The following DOCK7 variants were observed in gnomAD, a reference collection of about 807,000 sequenced individuals.
DOCK7 encodes the protein dedicator of cytokinesis protein 7.
A neutral mutation model predicts 271.0 loss-of-function variants in DOCK7; 138 were observed. That is an observed-to-expected ratio of 0.51 (90% CI 0.44 to 0.59). DOCK7 has a LOEUF of 0.59. Among genes scored for constraint, DOCK7 ranks in the 20% least tolerant of loss-of-function variants. The pLI is 0.00. For synonymous variants in DOCK7, 823 were observed against 876.1 expected (o/e 0.94, Z 1.07); for missense variants, 2,066 against 2,592.4 (o/e 0.80, Z 4.41).
At chr1:62,470,670 T>G (rs1324411728) in intron 48 of DOCK7, among the ~76,000 whole-genome samples, 2 of 152,114 alleles carry the variant, frequency 1.3e-5, no homozygotes, top group Admixed American at 1.3e-4. Flanking sequence ...GGTGGGCACC[T>G]GTAATCCCAG....
At chr1:62,589,871 G>T (rs1258359020) in intron 14 of DOCK7, among the ~76,000 whole-genome samples, 1 of 128,436 alleles carries the variant, frequency 7.8e-6, no homozygotes, top group East Asian at 2.3e-4. Context: ...GACAGAGCAA[G>T]ACTCCATCTA....
intron 8 of DOCK7, chr1:62,635,293 A>G (rs1655120348): frequency 6.5e-6 from 1 of 154,402 alleles, no homozygotes. Flanking sequence ...CCATATTCCA[A>G]ATTCTTTTAA....
chr1:62,670,209 G>A (rs910092171), intron 1 of DOCK7, among the ~76,000 whole-genome samples: 48 of 152,328 alleles, frequency 3.2e-4, no homozygotes, highest in African/African-American at 1.0e-3. Context: ...GAGCCTCCCC[G>A]ACGAGCGCCA....
chr1:62,648,672 T>G (rs1273999444), intron 4 of DOCK7, 128 bp from the exon 5 acceptor site: 1 of 496,250 alleles, frequency 2.0e-6, no homozygotes, highest in Non-Finnish European at 3.2e-6. Context: ...GAATCTATTC[T>G]AGCAATTTAG....
chr1:62,641,316 G>A (rs1297132641), intron 7 of DOCK7: 2 of 412,096 alleles, frequency 4.9e-6, no homozygotes, highest in Admixed American at 5.8e-5. Context: ...AGGAGCCCCA[G>A]GTAGGCAAAC....
intron 29 of DOCK7, among the ~76,000 whole-genome samples, chr1:62,533,217 C>T (rs1645233263): frequency 6.6e-6 from 1 of 151,992 alleles, no homozygotes; most frequent in Admixed American, 6.6e-5. Context: ...AAAATCCTAT[C>T]TTTCTTCCAA....
chr1:62,672,149 T>C (rs1291728974), intron 1 of DOCK7, among the ~76,000 whole-genome samples: 3 of 152,164 alleles, frequency 2.0e-5, no homozygotes, highest in Non-Finnish European at 4.4e-5. Flanking sequence ...AGTTAATATT[T>C]TCTTGGTATC....
chr1:62,510,202 T>C (rs1644443072), intron 34 of DOCK7, among the ~76,000 whole-genome samples: 1 of 152,198 alleles, frequency 6.6e-6, no homozygotes, highest in South Asian at 2.1e-4. Flanking sequence ...TATTGTTTTG[T>C]CTTTCTTGAA....
chr1:62,639,560 G>A (rs986000010), intron 7 of DOCK7, among the ~76,000 whole-genome samples: 6 of 145,198 alleles, frequency 4.1e-5, no homozygotes, highest in East Asian at 2.1e-4. Flanking sequence ...TCAGCCTCCC[G>A]AGTAGCTGGG....
chr1:62,623,450 T>G (rs186456442), intron 12 of DOCK7, among the ~76,000 whole-genome samples: 1 of 152,334 alleles, frequency 6.6e-6, no homozygotes, highest in Non-Finnish European at 1.5e-5. Context: ...GTAACAGTAT[T>G]CAAAACAGTG....
At chr1:62,664,779 GT>G (rs1229938448) in intron 1 of DOCK7, among the ~76,000 whole-genome samples, 1 of 119,966 alleles carries the variant, frequency 8.3e-6, no homozygotes, top group Admixed American at 8.4e-5. Context: ...AAGTCTACTA[GT>G]TTAAAAAAAA....
chr1:62,604,367 C>T, intron 14 of DOCK7: 1 of 1,120,540 alleles, frequency 8.9e-7, no homozygotes, highest in South Asian at 1.5e-5. Flanking sequence ...AGACGAAAAC[C>T]TCTTAACTAT....
At chr1:62,674,980 C>A (rs1190391679) in intron 1 of DOCK7, among the ~76,000 whole-genome samples, 1 of 152,096 alleles carries the variant, frequency 6.6e-6, no homozygotes, top group East Asian at 1.9e-4. Context: ...AACCTTTGTG[C>A]TTCAAACATC....
intron 14 of DOCK7, among the ~76,000 whole-genome samples, chr1:62,600,461 TTC>T (rs1649944233): frequency 6.6e-6 from 1 of 151,828 alleles, no homozygotes; most frequent in African/African-American, 2.4e-5. Context: ...ATATTATATA[TTC>T]TGCTTTTCTT....
At chr1:62,471,669 G>A (rs1205230227) in intron 48 of DOCK7, among the ~76,000 whole-genome samples, 2 of 152,022 alleles carry the variant, frequency 1.3e-5, no homozygotes, top group African/African-American at 2.4e-5. Context: ...AACAAAAAAT[G>A]TTCATGTACT....
At chr1:62,502,355 T>A (rs1646807684) in intron 37 of DOCK7, among the ~76,000 whole-genome samples, 1 of 152,204 alleles carries the variant, frequency 6.6e-6, no homozygotes, top group South Asian at 2.1e-4. Flanking sequence ...AAAGTCTCCC[T>A]ATCACAGTCA....
chr1:62,672,933 T>C (rs2149748878), intron 1 of DOCK7, among the ~76,000 whole-genome samples: 1 of 152,112 alleles, frequency 6.6e-6, no homozygotes, highest in East Asian at 1.9e-4. Flanking sequence ...CAGTTAAAGA[T>C]ATCCAGTAAA....
rs1330377874 is a variant in DOCK7, at chr1:62,454,856, A to C, written c.*558T>G. The C allele has an allele frequency of 4.5e-6, 1 of 221,374 alleles. No homozygotes were observed. The highest frequency in any genetic ancestry group is 2.2e-5 in the African/African-American group (1 of 44,776). 13.7% of individuals were successfully genotyped at this position (221,374 alleles called of 1,614,324 possible). The stretch of plus-strand genomic sequence containing the variant: ...TCTAAATTCCTGTTTTGGGTATGTA[A>C]ATGGAAAATAACTTTGAAACAGTTA... On this transcript the variant is annotated 3_prime_UTR_variant, in exon 50 of 50. Coordinates refer to ENST00000635253, the MANE Select transcript of DOCK7 (RefSeq NM_001367561.1).
chr1:62,456,626 G>A (rs1645355983), intron 49 of DOCK7, among the ~76,000 whole-genome samples: 1 of 152,066 alleles, frequency 6.6e-6, no homozygotes, highest in South Asian at 2.1e-4. Context: ...CATAGAGGAC[G>A]GCAAAAACTC....
Sources: gnomAD v4.1 joint callset for allele counts (sites outside exome capture counted in the v4.1 genomes callset) on GRCh38, gnomAD v4.1.1 for gene constraint, MANE v1.5 for transcripts, NCBI Gene and HGNC (gene_info 2026-07-23, HGNC 2026-07-21) for gene names.